SUPT3H: variants seen among roughly 807,000 people sequenced by gnomAD.
SUPT3H encodes SPT3 homolog, SAGA and STAGA complex component, also known as transcription initiation protein SPT3 homolog.
A neutral mutation model predicts 44.3 loss-of-function variants in SUPT3H; 44 were observed. The observed-to-expected ratio is 0.99, with a 90% CI of 0.78 to 1.28. SUPT3H has a LOEUF of 1.28. Ranked by LOEUF, SUPT3H falls within the 50% of genes most tolerant of loss-of-function variation. The pLI is 0.00. For missense variants in SUPT3H, 380 were observed against 387.1 expected, an observed-to-expected ratio of 0.98 and a Z score of 0.15; for synonymous variants, 124 against 125.6, an observed-to-expected ratio of 0.99 and a Z score of 0.09.
intron 2 of SUPT3H, among the ~76,000 whole-genome samples, chr6:45,208,639 G>A (rs576678308): frequency 2.6e-5 from 4 of 151,456 alleles, no homozygotes; most frequent in Non-Finnish European, 4.4e-5. Context: ...CAGGAGAATC[G>A]CTTGAACACA....
chr6:45,123,884 C>T (rs1802029903), intron 2 of SUPT3H, among the ~76,000 whole-genome samples: 1 of 152,186 alleles, frequency 6.6e-6, no homozygotes, highest in Non-Finnish European at 1.5e-5. Flanking sequence ...ATAATTTCAT[C>T]TCATGTAAGT....
chr6:45,272,276 C>T (rs1310469482), intron 2 of SUPT3H, among the ~76,000 whole-genome samples: 1 of 152,104 alleles, frequency 6.6e-6, no homozygotes, highest in Non-Finnish European at 1.5e-5. Context: ...GTGTCCCCAC[C>T]CAAACCTCAT....
At chr6:44,929,051 T>C (rs536609259) in intron 10 of SUPT3H, among the ~76,000 whole-genome samples, 3 of 151,952 alleles carry the variant, frequency 2.0e-5, no homozygotes, top group Admixed American at 2.0e-4. Context: ...CTGATGTTTA[T>C]GCCATTCTCC....
chr6:45,137,793 A>C (rs1804549686), intron 2 of SUPT3H, among the ~76,000 whole-genome samples: 1 of 151,976 alleles, frequency 6.6e-6, no homozygotes, highest in Non-Finnish European at 1.5e-5. Flanking sequence ...CCATGACAAT[A>C]ATCATATTAC....
At chr6:45,232,328 T>G (rs1288587685) in intron 2 of SUPT3H, among the ~76,000 whole-genome samples, 1 of 152,202 alleles carries the variant, frequency 6.6e-6, no homozygotes, top group Non-Finnish European at 1.5e-5. Flanking sequence ...ATGGCTTCAG[T>G]GGTATCTGTG....
intron 3 of SUPT3H, among the ~76,000 whole-genome samples, chr6:45,046,975 G>A (rs2153533557): frequency 6.6e-6 from 1 of 152,226 alleles, no homozygotes; most frequent in East Asian, 1.9e-4. Flanking sequence ...GATACCTTAT[G>A]TTTTTGGTAC....
chr6:45,313,524 T>TA (rs1246487316), intron 2 of SUPT3H, among the ~76,000 whole-genome samples: 1 of 151,592 alleles, frequency 6.6e-6, no homozygotes, highest in Non-Finnish European at 1.5e-5. Flanking sequence ...TTTACACACA[T>TA]AAACTAGAAA....
intron 9 of SUPT3H, among the ~76,000 whole-genome samples, chr6:44,952,189 C>A (rs554419807): frequency 6.6e-6 from 1 of 152,114 alleles, no homozygotes. Context: ...TATATGTTAA[C>A]ATATTTTCTA....
intron 2 of SUPT3H, among the ~76,000 whole-genome samples, chr6:45,286,269 T>G (rs1779247513): frequency 6.6e-6 from 1 of 151,986 alleles, no homozygotes; most frequent in Admixed American, 6.6e-5. Context: ...ACTAAAGAGC[T>G]TCTGCACAAC....
At chr6:45,189,535 A>G in intron 2 of SUPT3H, among the ~76,000 whole-genome samples, 1 of 152,222 alleles carries the variant, frequency 6.6e-6, no homozygotes, top group East Asian at 1.9e-4. Flanking sequence ...AGAGGAAACC[A>G]TAAGATGGGG....
At chr6:45,058,311 G>C (rs1791456058) in intron 3 of SUPT3H, among the ~76,000 whole-genome samples, 1 of 151,966 alleles carries the variant, frequency 6.6e-6, no homozygotes. Flanking sequence ...TTATAGTCAA[G>C]GTTTTGTACC....
At chr6:44,839,304 T>G (rs1054107402) in intron 10 of SUPT3H, among the ~76,000 whole-genome samples, 5 of 147,646 alleles carry the variant, frequency 3.4e-5, no homozygotes, top group African/African-American at 1.2e-4. Flanking sequence ...AATAAATGTT[T>G]GTTTCACTAT....
chr6:45,063,897 C>A (rs1182260480), intron 3 of SUPT3H, among the ~76,000 whole-genome samples: 1 of 116,680 alleles, frequency 8.6e-6, no homozygotes, highest in South Asian at 3.2e-4. Flanking sequence ...AGGATATTAT[C>A]CAGGAGAACT....
intron 2 of SUPT3H, among the ~76,000 whole-genome samples, chr6:45,187,494 TA>T (rs1814452037): frequency 6.6e-6 from 1 of 152,204 alleles, no homozygotes; most frequent in African/African-American, 2.4e-5. Flanking sequence ...GTGTGCCATG[TA>T]AAACTCCTAT....
chr6:44,813,435 CT>C (rs1261742714), intron 11 of SUPT3H, among the ~76,000 whole-genome samples: 2 of 152,080 alleles, frequency 1.3e-5, no homozygotes, highest in Non-Finnish European at 2.9e-5. Context: ...ATCCTCCCCC[CT>C]ACCTTGGCCT....
chr6:45,365,376 T>C (rs1794958825), intron 1 of SUPT3H, 75 bp from the exon 2 acceptor site: 1 of 962,864 alleles, frequency 1.0e-6, no homozygotes, highest in Admixed American at 2.3e-5. Context: ...AGAAAGCAAA[T>C]ATAAATTACT....
At chr6:45,371,939 A>G (rs1457214657) in intron 1 of SUPT3H, 1 of 787,114 alleles carries the variant, frequency 1.3e-6, no homozygotes, top group East Asian at 1.3e-4. Context: ...AGGACACACT[A>G]CTATTTAGTG....
intron 10 of SUPT3H, among the ~76,000 whole-genome samples, chr6:44,911,140 G>GT (rs1325943180): frequency 1.3e-5 from 2 of 150,772 alleles, no homozygotes; most frequent in African/African-American, 4.9e-5. Flanking sequence ...TCCATATCAA[G>GT]TAACTATTGA....
chr6:44,884,575 T>A (rs552878618), intron 10 of SUPT3H, among the ~76,000 whole-genome samples: 1 of 152,272 alleles, frequency 6.6e-6, no homozygotes, highest in East Asian at 1.9e-4. Flanking sequence ...TAGCAAAGAC[T>A]TGGAACCAAC....
Sources: gnomAD v4.1 joint callset for allele counts (sites outside exome capture counted in the v4.1 genomes callset) on GRCh38, gnomAD v4.1.1 for gene constraint, MANE v1.5 for transcripts, NCBI Gene and HGNC (gene_info 2026-07-23, HGNC 2026-07-21) for gene names.